The following B3GALT1 variants were observed in gnomAD, a reference collection of about 807,000 sequenced individuals.
The protein encoded by B3GALT1 is UDP-Gal:betaGlcNAc beta 1,3-galactosyltransferase, polypeptide 1.
In B3GALT1, 10 loss-of-function variants were observed where a neutral mutation model predicts 23.2. The ratio of observed to expected loss-of-function variants is 0.43; its 90% confidence interval spans 0.27 to 0.73. The LOEUF is 0.73. Ranked by LOEUF, B3GALT1 falls within the 30% of genes least tolerant of loss-of-function variation. B3GALT1 has a pLI of 0.21. For missense variants in B3GALT1, 299 were observed against 405.4 expected (o/e 0.74, Z 2.25); for synonymous variants, 156 against 141.5 (o/e 1.10, Z -0.73).
intron 1 of B3GALT1, among the ~76,000 whole-genome samples, chr2:167,395,468 T>C (rs1698079422): frequency 6.6e-6 from 1 of 152,044 alleles, no homozygotes. Context: ...ATACAATGGC[T>C]CCTAGTAGCT....
intron 1 of B3GALT1, among the ~76,000 whole-genome samples, chr2:167,417,292 C>T (rs1212532660): frequency 6.6e-6 from 1 of 152,034 alleles, no homozygotes; most frequent in African/African-American, 2.4e-5. Flanking sequence ...GGACTGGTGG[C>T]TTTACAAGAA....
intron 1 of B3GALT1, among the ~76,000 whole-genome samples, chr2:167,362,558 G>T (rs974669667): frequency 4.6e-5 from 7 of 151,438 alleles, no homozygotes; most frequent in African/African-American, 1.7e-4. Flanking sequence ...ATTTTTTCAG[G>T]TTCGTTCATT....
intron 3 of B3GALT1, among the ~76,000 whole-genome samples, chr2:167,650,849 C>A (rs188333658): frequency 4.5e-4 from 68 of 152,152 alleles, no homozygotes; most frequent in Non-Finnish European, 7.2e-4. Flanking sequence ...AGAAATACTC[C>A]CTCTTTGAAA....
At chr2:167,803,065 T>A (rs1688668045) in intron 3 of B3GALT1, among the ~76,000 whole-genome samples, 1 of 141,722 alleles carries the variant, frequency 7.1e-6, no homozygotes, top group African/African-American at 2.8e-5. Context: ...CTGACAATGT[T>A]CATTTGACCC....
Position 167,449,519 on chromosome 2 carries a change from A to G in B3GALT1, c.-510-40658A>G, listed in dbSNP as rs142379643. 6.9e-3 allele frequency among the ~76,000 whole-genome samples: 1,048 copies of G among 152,300 alleles called. 7 individuals are homozygous for G. The highest frequency in any genetic ancestry group is 0.014 in the Middle Eastern group (4 of 294). ...GAAAAGTCTTTAGGGTTTTCTAGATATATGATCATATCATCAGCAAACAGC... is the reference window on the plus strand; with the variant it reads ...GAAAAGTCTTTAGGGTTTTCTAGATGTATGATCATATCATCAGCAAACAGC... On this transcript the variant is annotated intron_variant, in intron 1 of 4. Coordinates refer to ENST00000392690, the MANE Select transcript of B3GALT1 (RefSeq NM_020981.4).
chr2:167,540,003 A>G (rs1197342849), intron 2 of B3GALT1, among the ~76,000 whole-genome samples: 1 of 152,188 alleles, frequency 6.6e-6, no homozygotes, highest in African/African-American at 2.4e-5. Context: ...TTTATTAGGA[A>G]CAGGTAGAAT....
At chr2:167,394,386 G>A (rs1369009339) in intron 1 of B3GALT1, among the ~76,000 whole-genome samples, 1 of 152,090 alleles carries the variant, frequency 6.6e-6, no homozygotes, top group African/African-American at 2.4e-5. Flanking sequence ...AAACAAAACT[G>A]TCCTAACCAA....
intron 1 of B3GALT1, among the ~76,000 whole-genome samples, chr2:167,422,592 A>G (rs1698564466): frequency 6.6e-6 from 1 of 152,166 alleles, no homozygotes; most frequent in African/African-American, 2.4e-5. Context: ...AATTCCAAAG[A>G]AACCATGAGT....
intron 1 of B3GALT1, among the ~76,000 whole-genome samples, chr2:167,371,024 A>C (rs1697676099): frequency 6.6e-6 from 1 of 152,204 alleles, no homozygotes; most frequent in Admixed American, 6.5e-5. Flanking sequence ...TGTGCATCTA[A>C]AATTCTCACA....
intron 1 of B3GALT1, among the ~76,000 whole-genome samples, chr2:167,476,621 C>G (rs1699490142): frequency 6.6e-6 from 1 of 152,092 alleles, no homozygotes; most frequent in Non-Finnish European, 1.5e-5. Context: ...AATAAAACAT[C>G]CTGTATTGAA....
intron 2 of B3GALT1, among the ~76,000 whole-genome samples, chr2:167,519,902 T>A (rs1476436040): frequency 6.6e-6 from 1 of 151,978 alleles, no homozygotes; most frequent in Non-Finnish European, 1.5e-5. Flanking sequence ...GGAAATATCA[T>A]CTCTACCAAA....
rs567629902 is a variant in B3GALT1 at position 167,453,230 on chromosome 2, C to G, written c.-510-36947C>G. On this transcript the variant is annotated intron_variant, in intron 1 of 4. Coordinates refer to ENST00000392690, the MANE Select transcript of B3GALT1 (RefSeq NM_020981.4). Reference sequence around the variant, plus strand: ...CTATAAGATAAATGTGCTGGCGAGGCTAGCGTGCAGGTATGCCCTCCGGGA... The same window carrying G: ...CTATAAGATAAATGTGCTGGCGAGGGTAGCGTGCAGGTATGCCCTCCGGGA... 2.0e-5 allele frequency among the ~76,000 whole-genome samples: 3 copies of G among 152,250 alleles called. No individual in the cohort carries two copies. In the East Asian group the frequency reaches 5.8e-4, roughly 29 times the overall value.
At chr2:167,365,786 A>G (rs540767508) in intron 1 of B3GALT1, among the ~76,000 whole-genome samples, 1 of 152,356 alleles carries the variant, frequency 6.6e-6, no homozygotes, top group South Asian at 2.1e-4. Flanking sequence ...ACCTACTGAT[A>G]CAGCACATAA....
intron 1 of B3GALT1, among the ~76,000 whole-genome samples, chr2:167,360,941 A>G (rs1223936624): frequency 6.6e-6 from 1 of 152,124 alleles, no homozygotes; most frequent in Non-Finnish European, 1.5e-5. Context: ...TCCCACATGA[A>G]TGAGAACATG....
chr2:167,440,146 A>T (rs1021863874), intron 1 of B3GALT1, among the ~76,000 whole-genome samples: 7 of 151,998 alleles, frequency 4.6e-5, no homozygotes, highest in African/African-American at 1.4e-4. Context: ...GATCAAGACC[A>T]TCCTGGCTAA....
intron 3 of B3GALT1, among the ~76,000 whole-genome samples, chr2:167,810,452 A>T (rs547519810): frequency 6.6e-6 from 1 of 150,948 alleles, no homozygotes; most frequent in South Asian, 2.1e-4. Context: ...ATTGAAAGAG[A>T]AAAGTGAACA....
intron 3 of B3GALT1, among the ~76,000 whole-genome samples, chr2:167,722,549 T>A (rs1483838210): frequency 6.6e-6 from 1 of 152,184 alleles, no homozygotes; most frequent in East Asian, 1.9e-4. Context: ...CAAGTTTTTT[T>A]ATAATCATAC....
At chr2:167,544,528 C>T (rs1683592739) in intron 2 of B3GALT1, among the ~76,000 whole-genome samples, 1 of 152,076 alleles carries the variant, frequency 6.6e-6, no homozygotes, top group African/African-American at 2.4e-5. Flanking sequence ...AACTCCTGAC[C>T]TCAAGTGACC....
chr2:167,473,101 A>C (rs1193990721), intron 1 of B3GALT1, among the ~76,000 whole-genome samples: 2 of 152,178 alleles, frequency 1.3e-5, no homozygotes, highest in Non-Finnish European at 2.9e-5. Context: ...GTGTGTTTGC[A>C]GAGATTAGTG....
Sources: allele counts gnomAD v4.1 joint callset (sites outside exome capture counted in the v4.1 genomes callset), GRCh38; gene constraint gnomAD v4.1.1; transcripts MANE v1.5; gene names NCBI Gene and HGNC (gene_info 2026-07-23, HGNC 2026-07-21).